Variants in ADAT1 observed in about 807,000 individuals in gnomAD.
ADAT1 encodes tRNA-specific adenosine deaminase 1.
ADAT1 carries 58 observed loss-of-function variants against 58.6 expected under a neutral mutation model. That is an observed-to-expected ratio of 0.99 (90% CI 0.80 to 1.23). The LOEUF (loss-of-function observed/expected upper bound fraction) is 1.23, where lower values mean the gene tolerates loss of function less well. Ranked by LOEUF, ADAT1 falls within the 50% of genes most tolerant of loss-of-function variation. The pLI is 0.00. For missense variants in ADAT1, 741 were observed against 608.6 expected, an observed-to-expected ratio of 1.22 and a Z score of -2.29; for synonymous variants, 254 against 220.8, an observed-to-expected ratio of 1.15 and a Z score of -1.33.
Position 75,603,417 on chromosome 16 carries a change from C to T in ADAT1, c.1290-246G>A, listed in dbSNP as rs563072576. Among the ~76,000 whole-genome samples the T allele has an allele frequency of 2.6e-5, 4 of 152,264 alleles. No individual in the cohort carries two copies. In the East Asian group the frequency reaches 7.7e-4, roughly 29 times the overall value. On this transcript the variant is annotated intron_variant, in intron 8 of 9. Transcript: ENST00000564657. Reference sequence around the variant, plus strand: ...TTAAAGTAACAAGCCCAAACGGGTACCCTGAGGTGCAATTACGAAATTTTG... The same window carrying T: ...TTAAAGTAACAAGCCCAAACGGGTATCCTGAGGTGCAATTACGAAATTTTG...
In ADAT1 at chr16:75,622,815, C is replaced by T. The variant is rs1046011416; in HGVS notation, c.-434G>A. 6.6e-5 allele frequency: 10 copies of T among 152,206 alleles called. No individual in the cohort carries two copies. Among genetic ancestry groups the T allele is most frequent in the Non-Finnish European group, 1.5e-4 (10 of 68,048 alleles). 9.4% of individuals were successfully genotyped at this position (152,206 alleles called of 1,614,324 possible). On this transcript the variant is annotated 5_prime_UTR_variant, in exon 1 of 10. Coordinates refer to ENST00000564657, the MANE Select transcript of ADAT1 (RefSeq NM_001324445.2). ...ACGTCCTTTCCAAAGAAAAGGAAGTCGGCTGCCAGGGGAGAAAAGGCTTCA... is the reference window on the plus strand; with the variant it reads ...ACGTCCTTTCCAAAGAAAAGGAAGTTGGCTGCCAGGGGAGAAAAGGCTTCA...
At chr16:75,603,560 C>G (rs1041546178) in intron 8 of ADAT1, among the ~76,000 whole-genome samples, 3 of 152,164 alleles carry the variant, frequency 2.0e-5, no homozygotes, top group Admixed American at 2.0e-4. Context: ...CCTGTGTGAA[C>G]TGTCATTATA....
chr16:75,603,304 T>A, intron 8 of ADAT1, 133 bp from the exon 9 acceptor site: 1 of 722,902 alleles, frequency 1.4e-6, no homozygotes, highest in Non-Finnish European at 2.3e-6. Context: ...CTGTACTTGG[T>A]GAGGAGAAAA....
intron 3 of ADAT1, 31 bp from the exon 4 acceptor site, chr16:75,618,671 C>T (rs2151782741): frequency 3.1e-6 from 5 of 1,611,480 alleles, no homozygotes; most frequent in Non-Finnish European, 4.2e-6. Context: ...CAGGTGAAGA[C>T]ATATGGAAGC....
chr16:75,620,384 C>T (rs748000427), intron 2 of ADAT1, 50 bp from the exon 3 acceptor site: 29 of 1,597,772 alleles, frequency 1.8e-5, no homozygotes, highest in South Asian at 9.9e-5. Context: ...GAATGTTCCC[C>T]GGTGTTCAGG....
intron 3 of ADAT1, 95 bp downstream of exon 3, chr16:75,620,171 C>G (rs2081885446): frequency 8.1e-7 from 1 of 1,235,286 alleles, no homozygotes; most frequent in Non-Finnish European, 1.2e-6. Context: ...TGCCATGCAC[C>G]TCAACTGACA....
rs527274962 is a variant in ADAT1 at position 75,615,118 on chromosome 16, T to C, written c.424+2024A>G. Among the ~76,000 whole-genome samples, 4 of 151,798 alleles carry C rather than the reference T, an allele frequency of 2.6e-5. No homozygotes were observed. In the East Asian group the frequency reaches 7.7e-4, roughly 29 times the overall value. On this transcript the variant is annotated intron_variant, in intron 5 of 9. Coordinates refer to ENST00000564657, the MANE Select transcript of ADAT1 (RefSeq NM_001324445.2). ...GGCGCATGCCTATATTCCCACCTAC[T>C]TGGGAGGCCAAGGCAGGAGAATCGC...
intron 9 of ADAT1, among the ~76,000 whole-genome samples, chr16:75,600,895 T>C (rs1456186098): frequency 2.6e-5 from 4 of 152,364 alleles, no homozygotes; most frequent in South Asian, 2.1e-4. Flanking sequence ...ATTTTGACTT[T>C]TGACACTTTC....
At chr16:75,600,909 G>T (rs2081211259) in intron 9 of ADAT1, among the ~76,000 whole-genome samples, 1 of 152,086 alleles carries the variant, frequency 6.6e-6, no homozygotes, top group African/African-American at 2.4e-5. Context: ...CACTTTCCTA[G>T]AGCAACTCTG....
intron 5 of ADAT1, among the ~76,000 whole-genome samples, chr16:75,616,839 A>G (rs962985053): frequency 5.9e-5 from 9 of 152,362 alleles, no homozygotes; most frequent in Admixed American, 4.6e-4. Flanking sequence ...TCCAAGCCCC[A>G]TGTTGGCTTC....
intron 4 of ADAT1, 110 bp from the exon 5 acceptor site, chr16:75,617,382 A>G: frequency 8.3e-7 from 1 of 1,199,956 alleles, no homozygotes; most frequent in Non-Finnish European, 1.2e-6. Flanking sequence ...TGGGACTGGT[A>G]GTGATGGGGA....
intron 3 of ADAT1, chr16:75,619,773 G>C (rs556241747): frequency 3.2e-5 from 12 of 373,502 alleles, no homozygotes; most frequent in Non-Finnish European, 5.3e-5. Context: ...AGCTGGGCGT[G>C]ATGGTGGGTG....
intron 3 of ADAT1, among the ~76,000 whole-genome samples, chr16:75,619,344 G>A (rs2081853285): frequency 6.6e-6 from 1 of 152,066 alleles, no homozygotes; most frequent in African/African-American, 2.4e-5. Flanking sequence ...CTAACACAGT[G>A]AGACCAAATC....
intron 3 of ADAT1, among the ~76,000 whole-genome samples, chr16:75,619,060 T>G (rs988738663): frequency 2.6e-5 from 4 of 152,230 alleles, no homozygotes; most frequent in African/African-American, 9.6e-5. Context: ...AGAACAAAGG[T>G]CTAGATCTTT....
At chr16:75,607,560 A>G (rs938555545) in intron 8 of ADAT1, among the ~76,000 whole-genome samples, 1 of 152,122 alleles carries the variant, frequency 6.6e-6, no homozygotes, top group Non-Finnish European at 1.5e-5. Context: ...GAATGACTAC[A>G]ATAAAAAAGA....
intron 9 of ADAT1, among the ~76,000 whole-genome samples, chr16:75,602,658 A>G (rs2081262515): frequency 6.6e-6 from 1 of 152,160 alleles, no homozygotes; most frequent in African/African-American, 2.4e-5. Flanking sequence ...GCACCCATCT[A>G]CCTGTTCCCA....
Position 75,620,275 on chromosome 16 carries a change from T to C in ADAT1, c.229A>G (p.Arg77Gly), listed in dbSNP as rs780959970. ...GTKCIGQSKM[R>G]KNGDILNDSH... The stretch of plus-strand genomic sequence containing the variant: ...TCCCACCCGTGCTTACCGTTCTTCC[T>C]CATTTTGGACTGTCCTATGCATTTT... Residue 77 changes from arginine (R) to glycine (G), a missense_variant, in exon 3 of 10, where the codon AGG (arginine) becomes GGG (glycine). By Grantham distance (125) the Arg-to-Gly change is moderately radical. Transcript: ENST00000564657. 7.4e-5 allele frequency: 120 copies of C among 1,614,010 alleles called. No homozygotes were observed. Among genetic ancestry groups the C allele is most frequent in the Non-Finnish European group, 9.7e-5 (114 of 1,179,964 alleles).
Position 75,622,902 on chromosome 16 carries a change from CAG to C in ADAT1, c.-523_-522del, listed in dbSNP as rs2081974559. On this transcript the variant is annotated 5_prime_UTR_variant, in exon 1 of 10. It removes the in-frame stop codon of an upstream open reading frame in the 5' UTR. Transcript: ENST00000564657. ...CTCCCTTCCTAAACACTTCCGGAAG[CAG>C]AGCCCCTTCCCGGCCGCTGGAGAAG... The C allele has an allele frequency of 1.3e-5, 2 of 152,422 alleles. No individual in the cohort carries two copies. The highest frequency in any genetic ancestry group is 4.8e-5 in the African/African-American group (2 of 41,600). 9.4% of individuals were successfully genotyped at this position (152,422 alleles called of 1,614,324 possible).
Position 75,608,881 on chromosome 16 carries a change from CT to C in ADAT1, c.1150del (p.Arg384GlyfsTer63). 6.2e-7 allele frequency: 1 copy of C among 1,614,176 alleles called. No individual in the cohort carries two copies. The highest frequency in any genetic ancestry group is 1.1e-5 in the South Asian group (1 of 91,072). On this transcript the variant is annotated frameshift_variant, in exon 7 of 10. Coordinates refer to ENST00000564657, the MANE Select transcript of ADAT1 (RefSeq NM_001324445.2). LOFTEE classifies it high-confidence loss of function. The stretch of plus-strand genomic sequence containing the variant: ...AACAAGTCGACCTGGGCTATCAGCC[CT>C]TTTTGCCTGCACCGCACTGCGGCTC... ...EQSRSAVQAK[R>X]ADSPGRLVPC... is the part of the protein sequence containing the mutation.
Sources: allele counts gnomAD v4.1 joint callset (sites outside exome capture counted in the v4.1 genomes callset), GRCh38; gene constraint gnomAD v4.1.1; transcripts MANE v1.5; gene names NCBI Gene and HGNC (gene_info 2026-07-23, HGNC 2026-07-21).